BLK: variants seen among roughly 807,000 people sequenced by gnomAD.
The protein encoded by BLK is tyrosine-protein kinase Blk.
In BLK, 64 loss-of-function variants were observed where a neutral mutation model predicts 61.8. The observed-to-expected ratio is 1.03, with a 90% confidence interval of 0.85 to 1.27. The LOEUF is 1.27. Ranked by LOEUF, BLK falls within the 50% of genes most tolerant of loss-of-function variation. The pLI, the probability that BLK is intolerant of heterozygous loss-of-function variation, is 0.00. For synonymous variants in BLK, 351 were observed against 272.0 expected, an observed-to-expected ratio of 1.29 and a Z score of -2.86; for missense variants, 853 against 660.5, an observed-to-expected ratio of 1.29 and a Z score of -3.19.
chr8:11,555,518 C>T lies in BLK; in HGVS notation c.772+34C>T, dbSNP rs1239091928. Reference sequence around the variant, plus strand: ...GTGCACACGTGGGAGCATTTCTCCCCCCATTCCACCTGCGCCGCATCCTGA... The same window carrying T: ...GTGCACACGTGGGAGCATTTCTCCCTCCATTCCACCTGCGCCGCATCCTGA... On this transcript the variant is annotated intron_variant, in intron 8 of 12. Coordinates refer to ENST00000259089, the MANE Select transcript of BLK (RefSeq NM_001715.3). 6.8e-6 allele frequency: 11 copies of T among 1,613,700 alleles called. No individual in the cohort carries two copies. In the East Asian group the frequency reaches 8.9e-5, roughly 13 times the overall value.
At chr8:11,552,604 G>A (rs1329083566) in intron 6 of BLK, 1 of 152,152 alleles carries the variant, frequency 6.6e-6, no homozygotes, top group African/African-American at 2.4e-5. Context: ...ATTATCAACT[G>A]AGCCAGTCTT....
intron 1 of BLK, among the ~76,000 whole-genome samples, chr8:11,502,119 GAC>G (rs1798585381): frequency 6.6e-6 from 1 of 152,186 alleles, no homozygotes; most frequent in South Asian, 2.1e-4. Flanking sequence ...CCGCCTTATA[GAC>G]ACAGTCAGTT....
At position 11,554,621 on chromosome 8, in the gene BLK, T is replaced by C. The variant is rs1253756126; in HGVS notation, c.473-122T>C. 1.4e-5 allele frequency: 16 copies of C among 1,178,830 alleles called. 1 individual carries two copies. Among genetic ancestry groups the C allele is most frequent in the Non-Finnish European group, 2.5e-6 (2 of 809,308 alleles). 73.0% of individuals were successfully genotyped at this position (1,178,830 alleles called of 1,614,324 possible). A position where few individuals can be genotyped will look rare whatever the true frequency, so the allele number is the denominator to read the frequency against. ...AGGGAAAGGAAACTTGTGGAGGGAG[T>C]GCTGATAATGAAGAACAGAATTGGG... On this transcript the variant is annotated intron_variant, in intron 6 of 12. Coordinates refer to ENST00000259089, the MANE Select transcript of BLK (RefSeq NM_001715.3).
At chr8:11,501,211 T>C (rs1309821041) in intron 1 of BLK, among the ~76,000 whole-genome samples, 1 of 152,138 alleles carries the variant, frequency 6.6e-6, no homozygotes, top group Non-Finnish European at 1.5e-5. Flanking sequence ...AAAAATTAAA[T>C]GATACTTTTA....
chr8:11,497,071 T>G (rs1186134580), intron 1 of BLK, among the ~76,000 whole-genome samples: 1 of 152,030 alleles, frequency 6.6e-6, no homozygotes, highest in Non-Finnish European at 1.5e-5. Context: ...GGGTGAGCCC[T>G]ACTCAAAGGT....
intron 8 of BLK, chr8:11,556,152 T>C (rs981578428): frequency 4.9e-5 from 11 of 226,692 alleles, no homozygotes; most frequent in Non-Finnish European, 7.9e-5. Flanking sequence ...CAAGTAGAGT[T>C]GTCTTTTGCC....
intron 1 of BLK, among the ~76,000 whole-genome samples, chr8:11,526,884 A>T (rs1377570590): frequency 6.6e-6 from 1 of 152,226 alleles, no homozygotes. Flanking sequence ...TTGAATACAT[A>T]GAGAAGGCCA....
At chr8:11,523,965 T>C (rs1489549206) in intron 1 of BLK, among the ~76,000 whole-genome samples, 2 of 152,090 alleles carry the variant, frequency 1.3e-5, no homozygotes, top group Non-Finnish European at 2.9e-5. Context: ...TAGATCAAGA[T>C]CTTTAAAAAT....
At chr8:11,550,568 G>A (rs890483214) in intron 6 of BLK, among the ~76,000 whole-genome samples, 8 of 152,264 alleles carry the variant, frequency 5.3e-5, no homozygotes, top group African/African-American at 1.9e-4. Flanking sequence ...CCAGGGAAGG[G>A]GGAACCCTGA....
intron 5 of BLK, 34 bp downstream of exon 5, chr8:11,549,156 A>G: frequency 6.5e-7 from 1 of 1,548,310 alleles, no homozygotes. Flanking sequence ...TCGAGCCAAG[A>G]TGCAGTCACT....
chr8:11,524,659 G>T (rs1799581548), intron 1 of BLK, among the ~76,000 whole-genome samples: 1 of 152,166 alleles, frequency 6.6e-6, no homozygotes, highest in Non-Finnish European at 1.5e-5. Flanking sequence ...GAAGATATGA[G>T]GAAAGAGAAA....
intron 1 of BLK, among the ~76,000 whole-genome samples, chr8:11,534,585 C>A (rs2117394809): frequency 6.6e-6 from 1 of 152,324 alleles, no homozygotes; most frequent in East Asian, 1.9e-4. Flanking sequence ...CTGCTCAGCA[C>A]CCTCAAACTT....
At chr8:11,547,855 G>C (rs776665663) in intron 3 of BLK, among the ~76,000 whole-genome samples, 177 bp from the exon 4 acceptor site, 3 of 152,102 alleles carry the variant, frequency 2.0e-5, no homozygotes, top group Non-Finnish European at 4.4e-5. Flanking sequence ...GGGCTCTGGG[G>C]GGCAGCCCAT....
intron 1 of BLK, among the ~76,000 whole-genome samples, chr8:11,525,253 A>G (rs1799611301): frequency 6.6e-6 from 1 of 152,230 alleles, no homozygotes; most frequent in Non-Finnish European, 1.5e-5. Context: ...AGGTATTTAG[A>G]CAACATGAGT....
At chr8:11,558,818 C>G in intron 10 of BLK, 1 of 455,610 alleles carries the variant, frequency 2.2e-6, no homozygotes, top group Non-Finnish European at 4.4e-6. Context: ...CACGTGCGTA[C>G]ACATACACAC....
At chr8:11,557,786 G>A (rs2117571986) in intron 9 of BLK, 176 bp from the exon 10 acceptor site, 1 of 618,138 alleles carries the variant, frequency 1.6e-6, no homozygotes, top group East Asian at 3.0e-5. Context: ...CTGGCATTTT[G>A]TAAAGTGGAA....
chr8:11,524,195 T>A (rs968690905), intron 1 of BLK, among the ~76,000 whole-genome samples: 1 of 152,218 alleles, frequency 6.6e-6, no homozygotes, highest in African/African-American at 2.4e-5. Flanking sequence ...TTTATTTATA[T>A]ATAATTTATA....
intron 10 of BLK, among the ~76,000 whole-genome samples, chr8:11,559,396 GACAC>G (rs145806791): frequency 4.7e-5 from 7 of 149,868 alleles, no homozygotes; most frequent in South Asian, 2.1e-4. Context: ...CACACAGACA[GACAC>G]ACACACAGAC....
intron 8 of BLK, chr8:11,556,202 T>C (rs1281444840): frequency 1.5e-5 from 4 of 271,748 alleles, no homozygotes; most frequent in Non-Finnish European, 2.9e-5. Context: ...AGTGTGGAGA[T>C]ACAGATAGTT....
Sources: allele counts gnomAD v4.1 joint callset (sites outside exome capture counted in the v4.1 genomes callset), GRCh38; gene constraint gnomAD v4.1.1; transcripts MANE v1.5; gene names NCBI Gene and HGNC (gene_info 2026-07-23, HGNC 2026-07-21).